The following POLR1A variants were observed in gnomAD, a reference collection of about 807,000 sequenced individuals.
POLR1A encodes RNA polymerase I subunit A.
A neutral mutation model predicts 205.3 loss-of-function variants in POLR1A; 84 were observed. That is an observed-to-expected ratio of 0.41 (90% CI 0.34 to 0.49). The LOEUF (loss-of-function observed/expected upper bound fraction) is 0.49. POLR1A is among the 20% of genes least tolerant of loss of function. The pLI is 0.22. For missense variants in POLR1A, 1,645 were observed against 2,204.5 expected, an observed-to-expected ratio of 0.75 and a Z score of 5.08; for synonymous variants, 799 against 863.7, an observed-to-expected ratio of 0.93 and a Z score of 1.31.
At chr2:86,088,697 G>C in intron 5 of POLR1A, 28 bp from the exon 6 acceptor site, 1 of 1,606,406 alleles carries the variant, frequency 6.2e-7, no homozygotes, top group Non-Finnish European at 8.5e-7. Flanking sequence ...TGTGATTGAA[G>C]AGAGAAAAAA....
intron 29 of POLR1A, among the ~76,000 whole-genome samples, chr2:86,032,044 G>T (rs1345908505): frequency 6.6e-6 from 1 of 152,196 alleles, no homozygotes; most frequent in Non-Finnish European, 1.5e-5. Context: ...TAAGTCCAGG[G>T]ATGGCCACAT....
At chr2:86,085,330 CA>C (rs1466151654) in intron 6 of POLR1A, among the ~76,000 whole-genome samples, 34 of 152,178 alleles carry the variant, frequency 2.2e-4, no homozygotes, top group African/African-American at 8.2e-4. Context: ...GTCATCAAAG[CA>C]GAACTGCTAA....
rs554030937 is a variant in POLR1A, at chr2:86,046,839, G to A, written c.2733+326C>T. ...GCAAGACTTCATCTCGAAAAAAAAC[G>A]AAAGAAAGAAAGAAACAATCATGCA... On this transcript the variant is annotated intron_variant, in intron 19 of 33. Transcript: ENST00000263857. Among the ~76,000 whole-genome samples the A allele has an allele frequency of 1.3e-4, 19 of 148,188 alleles. 1 individual carries two copies. In the East Asian group the frequency reaches 3.5e-3, roughly 27 times the overall value.
At chr2:86,083,293 C>A in intron 6 of POLR1A, 125 bp from the exon 7 acceptor site, 3 of 694,506 alleles carry the variant, frequency 4.3e-6, no homozygotes, top group Admixed American at 2.1e-5. Flanking sequence ...TCAAGGGTAG[C>A]ATATTATCAG....
intron 6 of POLR1A, among the ~76,000 whole-genome samples, chr2:86,085,541 A>G (rs902215476): frequency 6.6e-6 from 1 of 152,184 alleles, no homozygotes; most frequent in African/African-American, 2.4e-5. Context: ...ATTTCTGAAA[A>G]TGAGTGTCTG....
chr2:86,049,186 C>G lies in POLR1A; in HGVS notation c.2449G>C (p.Glu817Gln). The change falls in exon 17 of 34, where the codon GAA becomes CAA. Residue 817 changes from glutamate to glutamine, a missense_variant. Physicochemically the swap from Glu to Gln is conservative, Grantham distance 29 (BLOSUM62 2). Coordinates refer to ENST00000263857, the MANE Select transcript of POLR1A (RefSeq NM_015425.6). ...TGGGGCCCGCAGTGGGTGGATTCTT[C>G]AATGATACGTTGCCTCTTGACATCT... ...KADVKRQRII[E>Q]ESTHCGPQAV... The G allele has an allele frequency of 1.2e-6, 2 of 1,614,052 alleles. No homozygotes were observed. Among genetic ancestry groups the G allele is most frequent in the Non-Finnish European group, 1.7e-6 (2 of 1,179,888 alleles).
chr2:86,094,959 C>A (rs138176632), intron 3 of POLR1A, among the ~76,000 whole-genome samples: 22 of 152,308 alleles, frequency 1.4e-4, no homozygotes, highest in African/African-American at 5.3e-4. Context: ...GGTCACCCTG[C>A]ACAGGCACCC....
Position 86,031,486 on chromosome 2 carries a change from C to T in POLR1A, c.4422G>A (p.Pro1474=), listed in dbSNP as rs142891331. Residue 1474 remains proline (P), a synonymous_variant, in exon 30 of 34, where the codon CCG becomes CCA. Transcript: ENST00000263857. ...GCTGCGTCAGGAGGGCGGGAAGGGACGGGTCCTCCTCAGTGCCTAAGCCCA... is the reference window on the plus strand; with the variant it reads ...GCTGCGTCAGGAGGGCGGGAAGGGATGGGTCCTCCTCAGTGCCTAAGCCCA... ...EEVGLGTEED[P]SLPALLTQPR... is the part of the protein sequence containing the mutation. 1.6e-4 allele frequency: 260 copies of T among 1,614,142 alleles called. No individual in the cohort carries two copies. The highest frequency in any genetic ancestry group is 2.1e-4 in the Non-Finnish European group (243 of 1,179,970).
chr2:86,075,846 G>A (rs1486547381), intron 11 of POLR1A, among the ~76,000 whole-genome samples: 1 of 152,166 alleles, frequency 6.6e-6, no homozygotes, highest in South Asian at 2.1e-4. Context: ...TTTCTTATCT[G>A]CCAATAAATT....
intron 4 of POLR1A, 29 bp from the exon 5 acceptor site, chr2:86,088,899 T>C (rs1673553798): frequency 1.3e-6 from 2 of 1,491,808 alleles, no homozygotes; most frequent in Non-Finnish European, 1.9e-6. Context: ...TCAGAGAACC[T>C]TGGAGTGCCA....
At chr2:86,042,754 CG>C (rs755344856) in intron 23 of POLR1A, among the ~76,000 whole-genome samples, 24 of 147,712 alleles carry the variant, frequency 1.6e-4, no homozygotes, top group Non-Finnish European at 3.5e-4. Context: ...CGGGGAACCC[CG>C]AAGTCACAGG....
chr2:86,069,969 C>G, intron 13 of POLR1A, 49 bp downstream of exon 13: 1 of 1,580,154 alleles, frequency 6.3e-7, no homozygotes. Flanking sequence ...CTTAAAAGTG[C>G]TAAGTCATGC....
At chr2:86,034,361 C>T (rs1459883274) in intron 27 of POLR1A, among the ~76,000 whole-genome samples, 1 of 152,128 alleles carries the variant, frequency 6.6e-6, no homozygotes, top group Non-Finnish European at 1.5e-5. Flanking sequence ...GGCAATGTGA[C>T]GAAAGAACGA....
At chr2:86,039,214 G>C in intron 26 of POLR1A, 113 bp downstream of exon 26, 1 of 1,174,286 alleles carries the variant, frequency 8.5e-7, no homozygotes, top group Non-Finnish European at 1.2e-6. Context: ...TCTCTCATTG[G>C]TGGGAATCTG....
intron 24 of POLR1A, among the ~76,000 whole-genome samples, chr2:86,041,183 G>GCA (rs1558765356): frequency 1.1e-3 from 100 of 90,342 alleles, no homozygotes; most frequent in African/African-American, 3.4e-3. Context: ...GTGTGTGTGT[G>GCA]TGTGTGTGCG....
intron 15 of POLR1A, among the ~76,000 whole-genome samples, chr2:86,053,480 T>C (rs1404027799): frequency 1.3e-5 from 2 of 152,180 alleles, no homozygotes; most frequent in East Asian, 3.8e-4. Context: ...AACAACAAAA[T>C]CTTCCTAACA....
At chr2:86,043,238 T>C (rs1453568667) in intron 22 of POLR1A, 43 bp from the exon 23 acceptor site, 3 of 1,516,610 alleles carry the variant, frequency 2.0e-6, no homozygotes, top group South Asian at 1.1e-5. Context: ...ATCACACACA[T>C]GAGATCAAAG....
chr2:86,063,722 T>C (rs143311238), intron 14 of POLR1A, among the ~76,000 whole-genome samples: 5 of 152,328 alleles, frequency 3.3e-5, no homozygotes, highest in Middle Eastern at 3.4e-3. Context: ...GAAAATCAAG[T>C]TCCAGGTCCA....
intron 13 of POLR1A, among the ~76,000 whole-genome samples, chr2:86,068,325 C>T (rs1673116668): frequency 6.8e-6 from 1 of 146,888 alleles, no homozygotes; most frequent in African/African-American, 2.5e-5. Flanking sequence ...CACCTGCCTT[C>T]CCTTAGTCCC....
Sources: allele counts gnomAD v4.1 joint callset (sites outside exome capture counted in the v4.1 genomes callset), GRCh38; gene constraint gnomAD v4.1.1; transcripts MANE v1.5; gene names NCBI Gene and HGNC (gene_info 2026-07-23, HGNC 2026-07-21).